The following FRAS1 variants were observed in gnomAD, a reference collection of about 807,000 sequenced individuals.
FRAS1 encodes Fraser extracellular matrix complex subunit 1, also known as extracellular matrix organizing protein FRAS1.
In FRAS1, 290 loss-of-function variants were observed where a neutral mutation model predicts 435.2. The ratio of observed to expected loss-of-function variants is 0.67; its 90% CI spans 0.61 to 0.73. The LOEUF (loss-of-function observed/expected upper bound fraction) is 0.73. Among genes scored for constraint, FRAS1 ranks in the 30% least tolerant of loss-of-function variants. FRAS1 has a pLI of 0.00. For missense variants in FRAS1, 4,860 were observed against 5,001.5 expected, an observed-to-expected ratio of 0.97 and a Z score of 0.85; for synonymous variants, 1,800 against 1,851.0, an observed-to-expected ratio of 0.97 and a Z score of 0.71.
intron 2 of FRAS1, among the ~76,000 whole-genome samples, chr4:78,072,968 G>T (rs1740434220): frequency 6.6e-6 from 1 of 152,106 alleles, no homozygotes. Flanking sequence ...GTGGATAGAA[G>T]GTTAGAGCTG....
chr4:78,088,016 C>G (rs2109891267), intron 2 of FRAS1, among the ~76,000 whole-genome samples: 1 of 152,314 alleles, frequency 6.6e-6, no homozygotes, highest in East Asian at 1.9e-4. Flanking sequence ...CACTACCTGA[C>G]TTCAAACTAT....
intron 2 of FRAS1, among the ~76,000 whole-genome samples, chr4:78,092,822 G>A (rs1233494431): frequency 6.6e-6 from 1 of 152,196 alleles, no homozygotes; most frequent in Non-Finnish European, 1.5e-5. Context: ...TAGAGACTGG[G>A]TTAAAAGGTA....
rs149392597 is a variant in FRAS1 at position 78,479,903 on chromosome 4, T to A, written c.8443+185T>A. Among the ~76,000 whole-genome samples, 33 of 152,270 alleles carry A rather than the reference T, an allele frequency of 2.2e-4. No homozygotes were observed. In the East Asian group the frequency reaches 6.4e-3, roughly 29 times the overall value. ...AAGCATGGAATTTATTATAGAGAGT[T>A]CCATCCACTTTTCTTACTCTGATTT... On this transcript the variant is annotated intron_variant, in intron 56 of 73. Transcript: ENST00000512123.
intron 7 of FRAS1, among the ~76,000 whole-genome samples, chr4:78,265,359 G>GT (rs1163240274): frequency 5.3e-5 from 8 of 152,126 alleles, no homozygotes; most frequent in African/African-American, 1.9e-4. Flanking sequence ...TGAACTTACT[G>GT]TTCACATGTC....
intron 2 of FRAS1, among the ~76,000 whole-genome samples, chr4:78,195,765 C>T (rs565521606): frequency 6.6e-5 from 10 of 152,178 alleles, no homozygotes; most frequent in South Asian, 6.2e-4. Flanking sequence ...ACACTCAGTG[C>T]GCTGCACCCA....
chr4:78,321,813 C>T (rs947005043), intron 18 of FRAS1, among the ~76,000 whole-genome samples: 7 of 142,208 alleles, frequency 4.9e-5, no homozygotes, highest in African/African-American at 1.1e-4. Context: ...CATTGCTCTC[C>T]AGCCTGGAGT....
chr4:78,386,043 A>C (rs902972948), intron 28 of FRAS1, among the ~76,000 whole-genome samples: 17 of 152,342 alleles, frequency 1.1e-4, no homozygotes, highest in Admixed American at 9.1e-4. Flanking sequence ...ACTCCAGTGA[A>C]AGATCAAAGG....
intron 5 of FRAS1, 41 bp downstream of exon 5, chr4:78,252,592 A>T: frequency 6.3e-7 from 1 of 1,577,898 alleles, no homozygotes; most frequent in Non-Finnish European, 8.6e-7. Context: ...TTTGCTTGGG[A>T]GGTTCACATG....
Position 78,472,184 on chromosome 4 carries a change from C to A in FRAS1, c.7376C>A (p.Thr2459Asn). The A allele has an allele frequency of 6.2e-7, 1 of 1,613,884 alleles. No individual in the cohort carries two copies. The highest frequency in any genetic ancestry group is 8.5e-7 in the Non-Finnish European group (1 of 1,179,800). Reference protein sequence around the residue: ...QWLEYMDGKATNLITKKELLT... With the variant: ...QWLEYMDGKANNLITKKELLT... ...TTAAATGGGTTTCTATTCTAGGCAA[C>A]CAACCTGATCACCAAGAAGGAACTG... The change falls in exon 52 of 74, where the codon ACC becomes AAC. Residue 2459 changes from threonine to asparagine, a missense_variant. Physicochemically the swap from Thr to Asn is moderately conservative, Grantham distance 65 (BLOSUM62 0). Transcript: ENST00000512123.
chr4:78,300,435 A>G (rs981177252), intron 14 of FRAS1, among the ~76,000 whole-genome samples: 2 of 152,162 alleles, frequency 1.3e-5, no homozygotes, highest in African/African-American at 2.4e-5. Context: ...CCCTGCCCTC[A>G]TGGAGCTTAC....
chr4:78,393,912 C>CT (rs975899929), intron 29 of FRAS1, among the ~76,000 whole-genome samples: 25 of 151,786 alleles, frequency 1.6e-4, no homozygotes, highest in Admixed American at 1.2e-3. Flanking sequence ...TAACATTTAC[C>CT]TTTTTTTTAG....
intron 2 of FRAS1, among the ~76,000 whole-genome samples, chr4:78,188,659 T>G (rs1359579110): frequency 6.6e-6 from 1 of 152,206 alleles, no homozygotes; most frequent in Non-Finnish European, 1.5e-5. Context: ...AGCATTTGAT[T>G]GAATAACTGG....
intron 2 of FRAS1, among the ~76,000 whole-genome samples, chr4:78,151,072 G>A (rs765556931): frequency 6.6e-6 from 1 of 152,166 alleles, no homozygotes; most frequent in Non-Finnish European, 1.5e-5. Flanking sequence ...AGTGAAGATT[G>A]CTCTGAAATT....
intron 48 of FRAS1, 135 bp from the exon 49 acceptor site, chr4:78,464,308 G>A: frequency 7.2e-7 from 1 of 1,392,510 alleles, no homozygotes. Context: ...TTGCCCAAGA[G>A]GACTCACTCT....
intron 9 of FRAS1, among the ~76,000 whole-genome samples, chr4:78,275,325 A>G (rs1378363727): frequency 6.6e-6 from 1 of 152,106 alleles, no homozygotes; most frequent in East Asian, 1.9e-4. Context: ...TTTAAGGTTA[A>G]TATTGTTATG....
At chr4:78,509,861 G>A (rs922558562) in intron 63 of FRAS1, among the ~76,000 whole-genome samples, 2 of 152,332 alleles carry the variant, frequency 1.3e-5, no homozygotes, top group Middle Eastern at 3.4e-3. Context: ...ATCACTGAAT[G>A]ATTTTAGACA....
At chr4:78,477,052 A>G (rs1719873435) in intron 54 of FRAS1, among the ~76,000 whole-genome samples, 1 of 151,870 alleles carries the variant, frequency 6.6e-6, no homozygotes, top group Admixed American at 6.6e-5. Context: ...TTGTGTACAT[A>G]TAAAATAATT....
chr4:78,180,943 G>T, intron 2 of FRAS1: 3 of 1,610,142 alleles, frequency 1.9e-6, no homozygotes, highest in Middle Eastern at 1.7e-4. Context: ...CTGCTGCCAC[G>T]GTTTGGGCGC....
At chr4:78,482,292 A>G in intron 57 of FRAS1, 96 bp from the exon 58 acceptor site, 2 of 1,393,418 alleles carry the variant, frequency 1.4e-6, no homozygotes, top group Non-Finnish European at 2.0e-6. Context: ...CTTTAAAACC[A>G]CCAAAGACAG....
Sources: allele counts gnomAD v4.1 joint callset (sites outside exome capture counted in the v4.1 genomes callset), GRCh38; gene constraint gnomAD v4.1.1; transcripts MANE v1.5; gene names NCBI Gene and HGNC (gene_info 2026-07-23, HGNC 2026-07-21).